Variants in PKN2 observed in about 807,000 individuals in gnomAD.
PKN2 encodes protein kinase N2, also known as serine/threonine-protein kinase N2.
PKN2 carries 38 observed loss-of-function variants against 119.1 expected under a neutral mutation model. The observed-to-expected ratio is 0.32, with a 90% CI of 0.25 to 0.42. PKN2 has a LOEUF of 0.42. PKN2 is among the 10% of genes least tolerant of loss of function. The pLI is 1.00. For missense variants in PKN2, 850 were observed against 1,165.1 expected (o/e 0.73, Z 3.94); for synonymous variants, 390 against 384.9 (o/e 1.01, Z -0.15).
intron 2 of PKN2, among the ~76,000 whole-genome samples, chr1:88,751,136 T>A (rs1668975345): frequency 6.6e-6 from 1 of 152,174 alleles, no homozygotes; most frequent in African/African-American, 2.4e-5. Context: ...TTTTTTCCCC[T>A]ATCCCTATGT....
chr1:88,805,406 T>TA (rs1671496652), intron 10 of PKN2, 91 bp from the exon 11 acceptor site: 1 of 1,169,296 alleles, frequency 8.6e-7, no homozygotes, highest in African/African-American at 1.6e-5. Context: ...CTTCGTAGAT[T>TA]ATAAACTAAT....
chr1:88,727,908 T>C (rs1667962447), intron 1 of PKN2, among the ~76,000 whole-genome samples: 1 of 152,116 alleles, frequency 6.6e-6, no homozygotes, highest in Non-Finnish European at 1.5e-5. Context: ...GTAGGAAGCA[T>C]CTGAGATGCC....
At chr1:88,783,246 C>T (rs556811962) in intron 6 of PKN2, among the ~76,000 whole-genome samples, 11 of 152,324 alleles carry the variant, frequency 7.2e-5, no homozygotes, top group Admixed American at 1.3e-4. Context: ...CTCAGGAGTT[C>T]TTTCTATGAA....
intron 3 of PKN2, among the ~76,000 whole-genome samples, chr1:88,768,584 C>T (rs528016281): frequency 6.6e-6 from 1 of 152,308 alleles, no homozygotes; most frequent in South Asian, 2.1e-4. Flanking sequence ...TGATTAACAA[C>T]CTTAATTCCA....
intron 1 of PKN2, among the ~76,000 whole-genome samples, chr1:88,718,312 C>T (rs982760884): frequency 6.6e-6 from 1 of 152,280 alleles, no homozygotes; most frequent in East Asian, 1.9e-4. Flanking sequence ...GTTCTCAGAT[C>T]TCAAACTCCG....
intron 18 of PKN2, among the ~76,000 whole-genome samples, chr1:88,825,159 C>G (rs899258377): frequency 4.6e-5 from 7 of 152,316 alleles, no homozygotes; most frequent in Admixed American, 2.0e-4. Context: ...AATGAATGAA[C>G]TCTGTAGATA....
At chr1:88,704,778 CAAAAAAAAAAAA>C (rs35670791) in intron 1 of PKN2, among the ~76,000 whole-genome samples, 1 of 75,950 alleles carries the variant, frequency 1.3e-5, no homozygotes, top group Non-Finnish European at 2.6e-5. Flanking sequence ...GACCCTGTCT[CAAAAAAAAAAAA>C]AAAAAAAAAA....
intron 1 of PKN2, among the ~76,000 whole-genome samples, chr1:88,730,102 T>G (rs1668081327): frequency 6.6e-6 from 1 of 151,964 alleles, no homozygotes; most frequent in African/African-American, 2.4e-5. Context: ...GAGGCGGAGC[T>G]TGCAGTGAGC....
intron 6 of PKN2, among the ~76,000 whole-genome samples, chr1:88,782,847 G>GGT (rs1272849446): frequency 5.9e-5 from 9 of 152,160 alleles, no homozygotes; most frequent in African/African-American, 2.2e-4. Flanking sequence ...AGTAGATGCA[G>GGT]ACATTGTGAA....
chr1:88,782,889 A>G (rs1354440611), intron 6 of PKN2, among the ~76,000 whole-genome samples: 2 of 152,134 alleles, frequency 1.3e-5, no homozygotes, highest in African/African-American at 2.4e-5. Flanking sequence ...ATATTTTTGT[A>G]TTTCTATAAA....
chr1:88,751,696 A>T (rs546026762), intron 2 of PKN2, among the ~76,000 whole-genome samples: 29 of 152,260 alleles, frequency 1.9e-4, no homozygotes, highest in Admixed American at 3.9e-4. Context: ...TTGTTGGTTT[A>T]TAATTACCCA....
chr1:88,793,621 T>A (rs116504457), intron 8 of PKN2, among the ~76,000 whole-genome samples: 2 of 152,172 alleles, frequency 1.3e-5, no homozygotes, highest in African/African-American at 2.4e-5. Flanking sequence ...TGCATACAGT[T>A]GTCCCTTGGT....
intron 2 of PKN2, among the ~76,000 whole-genome samples, chr1:88,751,964 T>G (rs544722594): frequency 1.7e-4 from 26 of 152,302 alleles, no homozygotes; most frequent in African/African-American, 6.0e-4. Flanking sequence ...TAGTTTCTTT[T>G]AAGATATCCT....
At chr1:88,738,396 A>G (rs1029337646) in intron 1 of PKN2, among the ~76,000 whole-genome samples, 7 of 152,250 alleles carry the variant, frequency 4.6e-5, no homozygotes, top group Non-Finnish European at 4.4e-5. Context: ...AAACAAAGTA[A>G]AAGTTAACAG....
chr1:88,804,034 C>T (rs1461772902), intron 8 of PKN2, among the ~76,000 whole-genome samples: 2 of 151,936 alleles, frequency 1.3e-5, no homozygotes, highest in African/African-American at 2.4e-5. Context: ...TAACATAGCA[C>T]ATGATGGCAA....
At chr1:88,717,749 A>G (rs1667512524) in intron 1 of PKN2, among the ~76,000 whole-genome samples, 2 of 152,016 alleles carry the variant, frequency 1.3e-5, no homozygotes, top group Non-Finnish European at 2.9e-5. Context: ...ATCCTCCTTT[A>G]GCTCGGAGAA....
At chr1:88,707,499 T>C (rs1041565231) in intron 1 of PKN2, among the ~76,000 whole-genome samples, 8 of 152,144 alleles carry the variant, frequency 5.3e-5, no homozygotes, top group African/African-American at 1.7e-4. Flanking sequence ...TCACAAACAA[T>C]GGTATGACAA....
intron 8 of PKN2, among the ~76,000 whole-genome samples, chr1:88,797,652 AG>A (rs765090734): frequency 0.036 from 5,345 of 147,148 alleles, 141 homozygotes; most frequent in South Asian, 0.073. Context: ...AAAAAAAAAA[AG>A]AGAGAGAATG....
At chr1:88,793,147 T>A (rs1670915179) in intron 8 of PKN2, among the ~76,000 whole-genome samples, 1 of 152,192 alleles carries the variant, frequency 6.6e-6, no homozygotes, top group Admixed American at 6.5e-5. Context: ...TAATATTGCA[T>A]CTTGATGTTT....
Sources: allele counts gnomAD v4.1 joint callset (sites outside exome capture counted in the v4.1 genomes callset), GRCh38; gene constraint gnomAD v4.1.1; transcripts MANE v1.5; gene names NCBI Gene and HGNC (gene_info 2026-07-23, HGNC 2026-07-21).